ARHGAP22: variants seen among roughly 807,000 people sequenced by gnomAD.
The protein encoded by ARHGAP22 is rho GTPase-activating protein 22.
In ARHGAP22, 48 loss-of-function variants were observed where a neutral mutation model predicts 59.1. That is an observed-to-expected ratio of 0.81 (90% CI 0.64 to 1.03). ARHGAP22 has a LOEUF of 1.03. Among genes scored for constraint, ARHGAP22 ranks in the 50% least tolerant of loss-of-function variants. The probability of loss-of-function intolerance (pLI) is 0.00; values close to 1 mark genes in which losing one functional copy is unlikely to be tolerated. For synonymous variants in ARHGAP22, 445 were observed against 416.4 expected (o/e 1.07, Z -0.84); for missense variants, 1,015 against 958.7 (o/e 1.06, Z -0.78).
intron 1 of ARHGAP22, among the ~76,000 whole-genome samples, chr10:48,591,153 G>A (rs1456906246): frequency 2.0e-5 from 3 of 152,352 alleles, no homozygotes; most frequent in Middle Eastern, 3.4e-3. Context: ...CCTCCAGAGA[G>A]GAGGAGCGCC....
intron 1 of ARHGAP22, among the ~76,000 whole-genome samples, chr10:48,636,109 CCCAGGGGTCCTGTGCTG>C (rs2061574172): frequency 6.6e-6 from 1 of 152,198 alleles, no homozygotes; most frequent in Non-Finnish European, 1.5e-5. Flanking sequence ...AGACTCATTT[CCCAGGGGTCCTGTGCTG>C]CCAGGTGCAG....
At chr10:48,457,296 C>A (rs1006272168) in intron 5 of ARHGAP22, among the ~76,000 whole-genome samples, 2 of 152,184 alleles carry the variant, frequency 1.3e-5, no homozygotes, top group African/African-American at 4.8e-5. Context: ...ACCTGCCCCC[C>A]AGCCGGGCCG....
intron 1 of ARHGAP22, among the ~76,000 whole-genome samples, chr10:48,620,362 T>A (rs2136026949): frequency 1.3e-5 from 2 of 152,190 alleles, no homozygotes; most frequent in Middle Eastern, 6.8e-3. Context: ...TATCCATTGG[T>A]TGGATGGAGA....
intron 3 of ARHGAP22, among the ~76,000 whole-genome samples, chr10:48,489,501 A>C (rs1301477817): frequency 1.3e-5 from 2 of 152,250 alleles, no homozygotes; most frequent in African/African-American, 4.8e-5. Context: ...GACTTTCTAC[A>C]GTGTTCCATG....
At chr10:48,464,253 C>A (rs1324808978) in intron 4 of ARHGAP22, among the ~76,000 whole-genome samples, 1 of 152,202 alleles carries the variant, frequency 6.6e-6, no homozygotes, top group Non-Finnish European at 1.5e-5. Flanking sequence ...TGCCCTACTC[C>A]CTCCACCAGA....
At chr10:48,505,823 T>C (rs544816841) in intron 3 of ARHGAP22, among the ~76,000 whole-genome samples, 1 of 152,292 alleles carries the variant, frequency 6.6e-6, no homozygotes, top group South Asian at 2.1e-4. Flanking sequence ...TAAGGGCTGG[T>C]TGGAGAAGCT....
chr10:48,578,536 GTGTGTGTGTGTGTGTGTC>G (rs1023757936), intron 2 of ARHGAP22, among the ~76,000 whole-genome samples: 2 of 150,878 alleles, frequency 1.3e-5, no homozygotes, highest in Non-Finnish European at 3.0e-5. Context: ...GTGTGTGTGT[GTGTGTGTGTGTGTGTGTC>G]TGTGTGTGTG....
At chr10:48,490,167 C>G (rs928017058) in intron 3 of ARHGAP22, among the ~76,000 whole-genome samples, 1 of 152,164 alleles carries the variant, frequency 6.6e-6, no homozygotes, top group African/African-American at 2.4e-5. Context: ...ACCAAAGGGA[C>G]CCACCTCATC....
chr10:48,606,012 C>T (rs75550457), upstream of ARHGAP22, among the ~76,000 whole-genome samples: 3,651 of 152,274 alleles, frequency 0.024, 55 homozygotes, highest in Non-Finnish European at 0.039. Context: ...ACTTGCTGAA[C>T]GGTGACCTGC....
intron 1 of ARHGAP22, 81 bp from the exon 2 acceptor site, chr10:48,583,233 G>A: frequency 6.7e-7 from 1 of 1,503,638 alleles, no homozygotes; most frequent in Non-Finnish European, 9.0e-7. Context: ...TGTCCCAGCT[G>A]CCTCGTGACT....
rs1270250106 is a variant in ARHGAP22, at chr10:48,450,801, T to A, written c.1328A>T (p.Lys443Met). 44 of 1,575,360 alleles carry A rather than the reference T, an allele frequency of 2.8e-5. No individual in the cohort carries two copies. Among genetic ancestry groups the A allele is most frequent in the Non-Finnish European group, 3.6e-5 (42 of 1,161,314 alleles). ...CACCTCCAGGGATGAGCCGCCCCCC[T>A]TCGGGCTTCCCGATAGGGACCTCGG... ...RQPRSLSGSP[K>M]GGGSSLEVPI... The change falls in exon 9 of 10, where the codon AAG becomes ATG. Residue 443 changes from lysine to methionine, a missense_variant. Transcript: ENST00000249601.
downstream of ARHGAP22, among the ~76,000 whole-genome samples, chr10:48,441,972 T>C (rs2045213500): frequency 6.6e-6 from 1 of 152,174 alleles, no homozygotes; most frequent in South Asian, 2.1e-4. Context: ...CCTGTCCTAC[T>C]GGAGATAATG....
chr10:48,562,542 C>T (rs1336255041), intron 2 of ARHGAP22, among the ~76,000 whole-genome samples: 1 of 152,100 alleles, frequency 6.6e-6, no homozygotes, highest in African/African-American at 2.4e-5. Flanking sequence ...AGACAACAAG[C>T]CAGAGTACAT....
At chr10:48,594,276 A>G (rs1442994626) in intron 1 of ARHGAP22, among the ~76,000 whole-genome samples, 2 of 152,170 alleles carry the variant, frequency 1.3e-5, no homozygotes, top group Admixed American at 6.5e-5. Flanking sequence ...TGGTCCTCCC[A>G]TGGGACCACC....
intron 1 of ARHGAP22, among the ~76,000 whole-genome samples, chr10:48,588,875 G>C (rs1249661130): frequency 6.6e-6 from 1 of 152,136 alleles, no homozygotes; most frequent in Non-Finnish European, 1.5e-5. Flanking sequence ...TTCTGCTATA[G>C]ACCTCTGCTG....
At chr10:48,454,318 A>G (rs2133671361) in intron 6 of ARHGAP22, among the ~76,000 whole-genome samples, 157 bp from the exon 7 acceptor site, 1 of 152,248 alleles carries the variant, frequency 6.6e-6, no homozygotes, top group South Asian at 2.1e-4. Flanking sequence ...CCCCTCAAGG[A>G]GTGGCCAGGG....
At chr10:48,553,242 C>T (rs187823383) in intron 3 of ARHGAP22, among the ~76,000 whole-genome samples, 1 of 152,270 alleles carries the variant, frequency 6.6e-6, no homozygotes, top group Non-Finnish European at 1.5e-5. Context: ...CCGTCCCGCT[C>T]TCCCTGAACT....
chr10:48,553,124 C>A (rs1010574553), intron 3 of ARHGAP22, among the ~76,000 whole-genome samples: 1 of 152,250 alleles, frequency 6.6e-6, no homozygotes, highest in Non-Finnish European at 1.5e-5. Flanking sequence ...GGGAGGGGAG[C>A]AGAGGGGACC....
intron 1 of ARHGAP22, among the ~76,000 whole-genome samples, chr10:48,585,587 T>C (rs1814475): frequency 1 from 151,944 of 152,268 alleles, 75,810 homozygotes; most frequent in Middle Eastern, 1. Context: ...CCAGACAGGC[T>C]GCTGCTCATG....
Sources: allele counts gnomAD v4.1 joint callset (sites outside exome capture counted in the v4.1 genomes callset), GRCh38; gene constraint gnomAD v4.1.1; transcripts MANE v1.5; gene names NCBI Gene and HGNC (gene_info 2026-07-23, HGNC 2026-07-21).